DLGAP2: variants seen among roughly 807,000 people sequenced by gnomAD.
DLGAP2 encodes the protein DLG associated protein 2.
DLGAP2 carries 26 observed loss-of-function variants against 100.3 expected under a neutral mutation model. That is an observed-to-expected ratio of 0.26 (90% CI 0.19 to 0.36). The LOEUF is 0.36. Ranked by LOEUF, DLGAP2 falls within the 10% of genes least tolerant of loss-of-function variation. The pLI, the probability that DLGAP2 is intolerant of heterozygous loss-of-function variation, is 1.00. For missense variants in DLGAP2, 1,858 were observed against 1,453.2 expected (o/e 1.28, Z -4.53); for synonymous variants, 886 against 630.1 (o/e 1.41, Z -6.08).
intron 3 of DLGAP2, among the ~76,000 whole-genome samples, chr8:1,344,599 G>A (rs1801512652): frequency 6.6e-6 from 1 of 152,168 alleles, no homozygotes; most frequent in Admixed American, 6.5e-5. Context: ...AAGAGTGCAT[G>A]TACCTCTGTG....
chr8:1,433,053 G>A (rs1375901442), intron 3 of DLGAP2, among the ~76,000 whole-genome samples: 1 of 152,180 alleles, frequency 6.6e-6, no homozygotes, highest in Non-Finnish European at 1.5e-5. Flanking sequence ...CCAAGTTTTA[G>A]TCCCAGGGCA....
intron 1 of DLGAP2, among the ~76,000 whole-genome samples, chr8:896,744 C>A (rs1798150362): frequency 6.6e-6 from 1 of 152,142 alleles, no homozygotes; most frequent in Non-Finnish European, 1.5e-5. Flanking sequence ...CTGCCGTCAC[C>A]TCCGCGCTGG....
intron 3 of DLGAP2, among the ~76,000 whole-genome samples, chr8:1,388,820 TGAG>T (rs1796279889): frequency 1.2e-5 from 1 of 86,684 alleles, no homozygotes; most frequent in Non-Finnish European, 2.2e-5. Flanking sequence ...AGGCCGTGGA[TGAG>T]GAGGCGCTGG....
intron 10 of DLGAP2, among the ~76,000 whole-genome samples, chr8:1,670,480 C>G (rs993810018): frequency 6.6e-6 from 1 of 152,234 alleles, no homozygotes; most frequent in African/African-American, 2.4e-5. Flanking sequence ...TCTCTGGACC[C>G]CAGCCCCACA....
intron 6 of DLGAP2, among the ~76,000 whole-genome samples, chr8:1,572,351 G>A (rs1584941892): frequency 8.5e-6 from 1 of 117,566 alleles, no homozygotes; most frequent in Non-Finnish European, 2.0e-5. Flanking sequence ...CTTCTGGGAT[G>A]GAGAGGAGAG....
intron 1 of DLGAP2, among the ~76,000 whole-genome samples, chr8:859,247 G>A (rs1797343832): frequency 6.6e-6 from 1 of 152,024 alleles, no homozygotes; most frequent in Admixed American, 6.6e-5. Flanking sequence ...AAGTAGCTGG[G>A]ATCACAGGCG....
intron 2 of DLGAP2, among the ~76,000 whole-genome samples, chr8:1,001,788 A>G (rs1159978205): frequency 6.6e-6 from 1 of 152,168 alleles, no homozygotes; most frequent in Non-Finnish European, 1.5e-5. Context: ...AATTTCCATT[A>G]CAATTTCAAG....
At chr8:738,016 G>T (rs1367691269) in intron 1 of DLGAP2, 191 bp downstream of exon 1, 3 of 314,018 alleles carry the variant, frequency 9.6e-6, no homozygotes, top group Non-Finnish European at 5.8e-6. Flanking sequence ...GTGCTCGGGG[G>T]TCGCGCGTTG....
At chr8:1,348,693 G>T (rs1801631437) in intron 3 of DLGAP2, among the ~76,000 whole-genome samples, 1 of 152,194 alleles carries the variant, frequency 6.6e-6, no homozygotes, top group South Asian at 2.1e-4. Flanking sequence ...CAGCAGAGCT[G>T]CATTGCTCTC....
intron 2 of DLGAP2, among the ~76,000 whole-genome samples, chr8:1,087,522 C>G (rs1017451401): frequency 1.3e-5 from 2 of 149,958 alleles, no homozygotes; most frequent in African/African-American, 4.9e-5. Context: ...TGTCAGTGAA[C>G]CACATGTGTG....
At chr8:1,418,015 T>C (rs1796980073) in intron 3 of DLGAP2, among the ~76,000 whole-genome samples, 1 of 152,172 alleles carries the variant, frequency 6.6e-6, no homozygotes, top group African/African-American at 2.4e-5. Context: ...GGCTCTACAG[T>C]CCCGTTCTGG....
intron 2 of DLGAP2, among the ~76,000 whole-genome samples, chr8:946,063 C>T (rs575661050): frequency 6.7e-6 from 1 of 149,524 alleles, no homozygotes; most frequent in South Asian, 2.1e-4. Flanking sequence ...CCTTCCAGGG[C>T]TGCAGCCTCC....
intron 2 of DLGAP2, among the ~76,000 whole-genome samples, chr8:970,213 T>C (rs1799978917): frequency 6.6e-6 from 1 of 152,358 alleles, no homozygotes; most frequent in African/African-American, 2.4e-5. Flanking sequence ...CATCATCTTA[T>C]TTGGTGACAA....
intron 2 of DLGAP2, among the ~76,000 whole-genome samples, chr8:926,414 C>G (rs1483240759): frequency 6.6e-6 from 1 of 152,228 alleles, no homozygotes; most frequent in Admixed American, 6.5e-5. Flanking sequence ...CAGGCCCTGC[C>G]TCCAGGTCGG....
chr8:1,452,543 A>C (rs1798192000), intron 3 of DLGAP2, among the ~76,000 whole-genome samples: 1 of 152,134 alleles, frequency 6.6e-6, no homozygotes, highest in Non-Finnish European at 1.5e-5. Context: ...CTCCGGGGAG[A>C]GCTGGAGGCC....
At chr8:1,562,664 G>A (rs1191756206) in intron 5 of DLGAP2, among the ~76,000 whole-genome samples, 1 of 58,348 alleles carries the variant, frequency 1.7e-5, no homozygotes, top group Non-Finnish European at 3.2e-5. Flanking sequence ...GGGACTGTGT[G>A]GTGTTGGGGT....
At chr8:1,128,411 T>G (rs1796218864) in intron 2 of DLGAP2, among the ~76,000 whole-genome samples, 2 of 152,180 alleles carry the variant, frequency 1.3e-5, no homozygotes, top group Admixed American at 1.3e-4. Context: ...CCCATGGAAT[T>G]ATACAGCCCA....
chr8:750,817 C>T (rs932861270), intron 1 of DLGAP2, among the ~76,000 whole-genome samples: 1 of 152,162 alleles, frequency 6.6e-6, no homozygotes, highest in Non-Finnish European at 1.5e-5. Context: ...TTCAAAAGGC[C>T]TAATGGGATA....
intron 2 of DLGAP2, chr8:1,137,830 G>GC (rs1169963119): frequency 6.6e-6 from 1 of 151,908 alleles, no homozygotes; most frequent in African/African-American, 2.4e-5. Flanking sequence ...TCTAACTCTT[G>GC]CCCAGGCTGG....
Sources: gnomAD v4.1 joint callset for allele counts (sites outside exome capture counted in the v4.1 genomes callset) on GRCh38, gnomAD v4.1.1 for gene constraint, MANE v1.5 for transcripts, NCBI Gene and HGNC (gene_info 2026-07-23, HGNC 2026-07-21) for gene names.